Variants in DPT observed in about 807,000 individuals in gnomAD.
DPT encodes tyrosine-rich acidic matrix protein.
Under a neutral mutation model 31.2 loss-of-function variants are expected in DPT, and 21 were observed. That is an observed-to-expected ratio of 0.67 (90% CI 0.48 to 0.97). DPT has a LOEUF of 0.97. Among genes scored for constraint, DPT ranks in the 50% least tolerant of loss-of-function variants. The pLI is 0.00. For synonymous variants in DPT, 91 were observed against 86.9 expected, an observed-to-expected ratio of 1.05 and a Z score of -0.26; for missense variants, 262 against 258.8, an observed-to-expected ratio of 1.01 and a Z score of -0.08.
Position 168,714,287 on chromosome 1 carries a change from G to T in DPT, c.365C>A (p.Ser122Ter). ...VAGFQSRYFESVLDREWQFYC... is the reference protein window; with the variant it reads ...VAGFQSRYFE ...AAACTGCCACTCCCGATCCAGCACT[G>T]ACTCGAAGTAGCGGCTCTGGAATCC... Residue 122 changes from serine (S) to a stop codon, truncating the protein, a stop_gained, in exon 2 of 4, where the codon TCA becomes TAA. Coordinates refer to ENST00000367817, the MANE Select transcript of DPT (RefSeq NM_001937.5). LOFTEE classifies it high-confidence loss of function. 1 of 1,614,090 alleles carries T rather than the reference G, an allele frequency of 6.2e-7. No individual in the cohort carries two copies. Among genetic ancestry groups the T allele is most frequent in the Non-Finnish European group, 8.5e-7 (1 of 1,180,026 alleles).
intron 2 of DPT, among the ~76,000 whole-genome samples, chr1:168,705,797 G>C (rs183352069): frequency 9.9e-5 from 15 of 152,218 alleles, no homozygotes; most frequent in African/African-American, 3.4e-4. Flanking sequence ...TGTTGTGAGA[G>C]GGATCCAGTG....
chr1:168,701,700 T>A (rs1649600518), intron 2 of DPT, among the ~76,000 whole-genome samples: 1 of 152,182 alleles, frequency 6.6e-6, no homozygotes, highest in Admixed American at 6.5e-5. Flanking sequence ...ATTATTTAAT[T>A]AAAATGTAAG....
In DPT at chr1:168,696,245, C is replaced by T. The variant is rs1649463303; in HGVS notation, c.*304G>A. 2.3e-6 allele frequency: 1 copy of T among 432,236 alleles called. No homozygotes were observed. Among genetic ancestry groups the T allele is most frequent in the Non-Finnish European group, 4.1e-6 (1 of 246,542 alleles). 26.8% of individuals were successfully genotyped at this position (432,236 alleles called of 1,614,324 possible). Reference sequence around the variant, plus strand: ...AGCAGTAGCCAGGCTGCAGCTGGTGCTCCAGAAGCCCGGCTGTAAGCATGC... The same window carrying T: ...AGCAGTAGCCAGGCTGCAGCTGGTGTTCCAGAAGCCCGGCTGTAAGCATGC... On this transcript the variant is annotated 3_prime_UTR_variant, in exon 4 of 4. Transcript: ENST00000367817.
At chr1:168,725,347 T>C (rs1279962333) in intron 1 of DPT, among the ~76,000 whole-genome samples, 1 of 151,646 alleles carries the variant, frequency 6.6e-6, no homozygotes, top group Non-Finnish European at 1.5e-5. Flanking sequence ...TCTTTCTTTC[T>C]TTCTTCTCTT....
intron 1 of DPT, among the ~76,000 whole-genome samples, chr1:168,720,425 T>C (rs1650075820): frequency 6.6e-6 from 1 of 152,110 alleles, no homozygotes; most frequent in South Asian, 2.1e-4. Flanking sequence ...TCTGGTTTTG[T>C]TGGTGAACCC....
At chr1:168,709,524 G>A (rs1344724801) in intron 2 of DPT, among the ~76,000 whole-genome samples, 1 of 152,192 alleles carries the variant, frequency 6.6e-6, no homozygotes, top group Non-Finnish European at 1.5e-5. Flanking sequence ...TGAAACGAGA[G>A]CAGCACCTTG....
chr1:168,716,904 A>C (rs2101908467), intron 1 of DPT, among the ~76,000 whole-genome samples: 1 of 152,330 alleles, frequency 6.6e-6, no homozygotes, highest in South Asian at 2.1e-4. Context: ...TTATGGCTAC[A>C]TAGTATTCCA....
chr1:168,725,184 C>T (rs1228160279), intron 1 of DPT, among the ~76,000 whole-genome samples: 3 of 152,072 alleles, frequency 2.0e-5, no homozygotes, highest in African/African-American at 7.2e-5. Context: ...TCACACCTTC[C>T]TTTTTCTTCC....
intron 1 of DPT, among the ~76,000 whole-genome samples, chr1:168,719,617 T>G (rs757520589): frequency 2.0e-5 from 3 of 151,574 alleles, no homozygotes; most frequent in Non-Finnish European, 4.4e-5. Context: ...TTGGAGGGAG[T>G]TTCAGGCCCC....
rs111998675 is a variant in DPT at position 168,723,836 on chromosome 1, A to G, written c.305+5034T>C. ...CTGCATCCTTATATTTATTTTTTTA[A>G]ATTTTATTTTGAAGTAATTTCAGAT... is the stretch of plus-strand genomic sequence containing the variant. On this transcript the variant is annotated intron_variant, in intron 1 of 3. Transcript: ENST00000367817. 1.8e-3 allele frequency among the ~76,000 whole-genome samples: 277 copies of G among 152,198 alleles called. 2 individuals carry two copies. Among genetic ancestry groups the G allele is most frequent in the African/African-American group, 6.1e-3 (252 of 41,518 alleles).
intron 2 of DPT, among the ~76,000 whole-genome samples, chr1:168,708,486 A>G (rs1017786239): frequency 1.3e-5 from 2 of 152,216 alleles, no homozygotes; most frequent in African/African-American, 2.4e-5. Context: ...ATCTAGTCCA[A>G]TTTCCTCAAA....
chr1:168,727,920 T>A (rs1187258276), intron 1 of DPT, among the ~76,000 whole-genome samples: 1 of 152,152 alleles, frequency 6.6e-6, no homozygotes, highest in South Asian at 2.1e-4. Context: ...AGATAGCACA[T>A]GCAGCAGCCC....
At position 168,723,132 on chromosome 1, in the gene DPT, C is replaced by G. The variant is rs1557851645; in HGVS notation, c.305+5738G>C. On this transcript the variant is annotated intron_variant, in intron 1 of 3. Transcript: ENST00000367817. ...ACCCTATTCTCCCACACTCAGCCTT[C>G]TTGCCCTCAGAAGTCATCCTTAGGT... is the stretch of plus-strand genomic sequence containing the variant. Among the ~76,000 whole-genome samples, 4 of 152,248 alleles carry G rather than the reference C, an allele frequency of 2.6e-5. No individual in the cohort carries two copies. The South Asian group carries it at 6.2e-4, about 24-fold the overall frequency.
chr1:168,716,058 G>A (rs1649980886), intron 1 of DPT, among the ~76,000 whole-genome samples: 1 of 152,150 alleles, frequency 6.6e-6, no homozygotes. Flanking sequence ...ATCAACAAGT[G>A]GATTTCATTT....
chr1:168,703,769 C>G (rs1194629945), intron 2 of DPT, among the ~76,000 whole-genome samples: 1 of 152,092 alleles, frequency 6.6e-6, no homozygotes, highest in Non-Finnish European at 1.5e-5. Flanking sequence ...AATAAAAATA[C>G]CAAGGGAGAA....
chr1:168,709,887 CAAATA>C (rs1037869853), intron 2 of DPT, among the ~76,000 whole-genome samples: 2 of 152,138 alleles, frequency 1.3e-5, no homozygotes, highest in African/African-American at 4.8e-5. Flanking sequence ...TTAAAAGGAT[CAAATA>C]AAATAATGTA....
chr1:168,700,215 C>T (rs1251386987), intron 3 of DPT, among the ~76,000 whole-genome samples: 1 of 151,948 alleles, frequency 6.6e-6, no homozygotes, highest in East Asian at 1.9e-4. Context: ...GGATTAGTGC[C>T]CATATAAAAT....
chr1:168,700,217 A>G (rs905913371), intron 3 of DPT, among the ~76,000 whole-genome samples: 1 of 152,154 alleles, frequency 6.6e-6, no homozygotes, highest in Non-Finnish European at 1.5e-5. Flanking sequence ...ATTAGTGCCC[A>G]TATAAAATAA....
chr1:168,728,378 C>T (rs1196103522), intron 1 of DPT, among the ~76,000 whole-genome samples: 1 of 152,194 alleles, frequency 6.6e-6, no homozygotes, highest in African/African-American at 2.4e-5. Flanking sequence ...AGTTCTCAAA[C>T]CCTCCGTGCT....
Sources: gnomAD v4.1 joint callset for allele counts (sites outside exome capture counted in the v4.1 genomes callset) on GRCh38, gnomAD v4.1.1 for gene constraint, MANE v1.5 for transcripts, NCBI Gene and HGNC (gene_info 2026-07-23, HGNC 2026-07-21) for gene names.